Variants in SDR42E2 observed in about 807,000 individuals in gnomAD.
The protein encoded by SDR42E2 is putative short-chain dehydrogenase/reductase family 42E member 2.
SDR42E2 carries 20 observed loss-of-function variants against 10.5 expected under a neutral mutation model. That is an observed-to-expected ratio of 1.90 (90% CI 1.34 to 2.77). SDR42E2 has a LOEUF of 2.77. Among genes scored for constraint, SDR42E2 ranks in the 30% most tolerant of loss-of-function variants. The pLI is 0.00. For synonymous variants in SDR42E2, 72 were observed against 39.2 expected (o/e 1.84, Z -3.12); for missense variants, 162 against 104.2 (o/e 1.55, Z -2.42).
chr16:22,180,435 T>C (rs938654801), intron 8 of SDR42E2, among the ~76,000 whole-genome samples: 1 of 152,016 alleles, frequency 6.6e-6, no homozygotes, highest in African/African-American at 2.4e-5. Context: ...GCACGCTGGC[T>C]CATGTCTGTA....
rs759632783 is a variant in SDR42E2, at chr16:22,178,163, C to T, written c.623C>T (p.Pro208Leu). The part of the protein sequence containing the change: ...GGTLRTCVLR[P>L]PGIYGPEEQR... ...ACTCTTCGGACGTGTGTGCTCCGGC[C>T]TCCAGGGATCTACGGCCCTGAAGAG... Residue 208 changes from proline (P) to leucine (L), a missense_variant, in exon 8 of 13, where the codon CCT (proline) becomes CTT (leucine). Physicochemically the swap from Pro to Leu is moderately conservative, Grantham distance 98 (BLOSUM62 -3). Transcript: ENST00000602312. 17 of 702,806 alleles carry T rather than the reference C, an allele frequency of 2.4e-5. No homozygotes were observed. The highest frequency in any genetic ancestry group is 5.2e-6 in the Non-Finnish European group (2 of 384,972). 43.5% of individuals were successfully genotyped at this position (702,806 alleles called of 1,614,324 possible).
At chr16:22,166,857 C>A in intron 3 of SDR42E2, 47 bp from the exon 4 acceptor site, 1 of 573,588 alleles carries the variant, frequency 1.7e-6, no homozygotes. Flanking sequence ...TTATCTCTTG[C>A]CTTGGACTTG....
intron 10 of SDR42E2, among the ~76,000 whole-genome samples, chr16:22,182,955 T>C (rs1055283540): frequency 8.6e-5 from 13 of 152,008 alleles, no homozygotes; most frequent in African/African-American, 4.8e-5. Flanking sequence ...CAGTGAGCTA[T>C]GATTGCACCA....
chr16:22,185,025 G>A (rs1354654393), intron 11 of SDR42E2, among the ~76,000 whole-genome samples: 2 of 152,086 alleles, frequency 1.3e-5, no homozygotes, highest in Admixed American at 1.3e-4. Flanking sequence ...CCTGAAGTTA[G>A]GGCTACTTTA....
At chr16:22,177,009 AG>A (rs2046650024) in intron 7 of SDR42E2, among the ~76,000 whole-genome samples, 1 of 152,200 alleles carries the variant, frequency 6.6e-6, no homozygotes, top group Admixed American at 6.5e-5. Context: ...GAGGAAACCA[AG>A]GCTGAGCTGG....
chr16:22,173,905 G>GTATATATATATATATA (rs770541596), intron 7 of SDR42E2, among the ~76,000 whole-genome samples: 35 of 115,032 alleles, frequency 3.0e-4, no homozygotes, highest in East Asian at 9.7e-4. Flanking sequence ...ATGTGTGTGT[G>GTATATATATATATATA]TATATATATA....
intron 5 of SDR42E2, 41 bp downstream of exon 5, chr16:22,169,543 C>G: frequency 1.4e-6 from 1 of 703,134 alleles, no homozygotes; most frequent in South Asian, 1.5e-5. Context: ...GTGCCTCTCC[C>G]CCTCTCTCCC....
At position 22,185,678 on chromosome 16, in the gene SDR42E2, A is replaced by T. The variant is rs373652207; in HGVS notation, c.941-1043A>T. Among the ~76,000 whole-genome samples, 82 of 150,976 alleles carry T rather than the reference A, an allele frequency of 5.4e-4. 1 individual carries two copies. In the South Asian group the frequency reaches 0.017, roughly 31 times the overall value. ...GCTGGAGTGCAGTGGCATGATCATA[A>T]CTCACTGCAGACTCAACCTCCTGGG... is the stretch of plus-strand genomic sequence containing the variant. On this transcript the variant is annotated intron_variant, in intron 11 of 12. Transcript: ENST00000602312.
chr16:22,169,044 G>T (rs2046570403), intron 4 of SDR42E2, among the ~76,000 whole-genome samples: 2 of 152,068 alleles, frequency 1.3e-5, no homozygotes, highest in Admixed American at 1.3e-4. Context: ...CCCTCGTGAG[G>T]GCCCAGCCCA....
At chr16:22,171,857 T>C (rs561260697) in intron 6 of SDR42E2, among the ~76,000 whole-genome samples, 1 of 152,248 alleles carries the variant, frequency 6.6e-6, no homozygotes, top group Admixed American at 6.5e-5. Context: ...CAACCCAGTA[T>C]GGTAACACTA....
chr16:22,173,903 G>A (rs372110877), intron 7 of SDR42E2, among the ~76,000 whole-genome samples: 33 of 112,756 alleles, frequency 2.9e-4, no homozygotes, highest in East Asian at 1.0e-3. Context: ...ATATGTGTGT[G>A]TGTATATATA....
At chr16:22,184,747 C>A (rs2046724187) in intron 11 of SDR42E2, among the ~76,000 whole-genome samples, 1 of 152,198 alleles carries the variant, frequency 6.6e-6, no homozygotes, top group African/African-American at 2.4e-5. Flanking sequence ...GAAGCAAGTG[C>A]CTCCTTAAAT....
At chr16:22,169,321 G>A (rs1426317548) in intron 4 of SDR42E2, 124 bp from the exon 5 acceptor site, 15 of 664,388 alleles carry the variant, frequency 2.3e-5, no homozygotes, top group African/African-American at 1.1e-4. Context: ...GTGGGCCTTC[G>A]GGATCCCTGC....
chr16:22,163,866 C>T (rs1356348314), intron 1 of SDR42E2, among the ~76,000 whole-genome samples: 1 of 152,172 alleles, frequency 6.6e-6, no homozygotes, highest in African/African-American at 2.4e-5. Flanking sequence ...AGCAAAAAAA[C>T]ATGGGGCTCA....
intron 9 of SDR42E2, among the ~76,000 whole-genome samples, 154 bp downstream of exon 9, chr16:22,181,810 T>C (rs1218194822): frequency 6.6e-6 from 1 of 152,022 alleles, no homozygotes; most frequent in Non-Finnish European, 1.5e-5. Flanking sequence ...GGGAAGCAGG[T>C]AGGTGGGGTG....
intron 8 of SDR42E2, 120 bp from the exon 9 acceptor site, chr16:22,181,399 C>A: frequency 1.5e-6 from 1 of 658,548 alleles, no homozygotes; most frequent in Non-Finnish European, 2.7e-6. Context: ...GCATTGGATA[C>A]ATGAGCCTGG....
At chr16:22,178,408 C>G (rs901563829) in intron 8 of SDR42E2, among the ~76,000 whole-genome samples, 196 bp downstream of exon 8, 3 of 152,216 alleles carry the variant, frequency 2.0e-5, no homozygotes, top group African/African-American at 7.2e-5. Context: ...AGGAACAGAG[C>G]TCTCAGAGTG....
intron 10 of SDR42E2, among the ~76,000 whole-genome samples, chr16:22,182,949 G>A (rs1319468155): frequency 2.0e-5 from 3 of 151,998 alleles, no homozygotes; most frequent in African/African-American, 7.2e-5. Flanking sequence ...AGGCTGCAGT[G>A]AGCTATGATT....
rs534502295 is a variant in SDR42E2, at chr16:22,167,165, ATTTTTTTTT to A, written c.336+196_336+204del. Among the ~76,000 whole-genome samples the A allele has an allele frequency of 6.6e-4, 25 of 37,726 alleles. 2 individuals carry two copies. Among genetic ancestry groups the A allele is most frequent in the African/African-American group, 3.2e-3 (21 of 6,570 alleles). 24.7% of individuals were successfully genotyped at this position (37,726 alleles called of 152,430 possible). A position where few individuals can be genotyped will look rare whatever the true frequency, so the allele number is the denominator to read the frequency against. On this transcript the variant is annotated intron_variant, in intron 4 of 12. Transcript: ENST00000602312. ...CATGACACCAAATACCAGTTCTGCCATTTTTTTTTTTTTTTTTTTTTTTTTTTTTTTTTT... is the reference window on the plus strand; with the variant it reads ...CATGACACCAAATACCAGTTCTGCCATTTTTTTTTTTTTTTTTTTTTTTTT...
Sources: allele counts gnomAD v4.1 joint callset (sites outside exome capture counted in the v4.1 genomes callset), GRCh38; gene constraint gnomAD v4.1.1; transcripts MANE v1.5; gene names NCBI Gene and HGNC (gene_info 2026-07-23, HGNC 2026-07-21).